Variants in COLGALT2 observed in about 807,000 individuals in gnomAD.
The protein encoded by COLGALT2 is collagen beta(1-O)galactosyltransferase 2.
A neutral mutation model predicts 73.4 loss-of-function variants in COLGALT2; 49 were observed. The ratio of observed to expected loss-of-function variants is 0.67; its 90% CI spans 0.53 to 0.85. The LOEUF (loss-of-function observed/expected upper bound fraction) is 0.85. COLGALT2 is among the 40% of genes least tolerant of loss of function. COLGALT2 has a pLI of 0.00. For synonymous variants in COLGALT2, 295 were observed against 307.6 expected (o/e 0.96, Z 0.43); for missense variants, 722 against 790.2 (o/e 0.91, Z 1.03).
chr1:183,964,925 T>C (rs888061532), intron 5 of COLGALT2, among the ~76,000 whole-genome samples: 1 of 152,204 alleles, frequency 6.6e-6, no homozygotes, highest in African/African-American at 2.4e-5. Flanking sequence ...ATTGCGATAA[T>C]TGTCAGTGTT....
intron 1 of COLGALT2, among the ~76,000 whole-genome samples, chr1:184,035,861 C>T (rs147707944): frequency 1.3e-5 from 2 of 152,330 alleles, no homozygotes; most frequent in East Asian, 3.9e-4. Flanking sequence ...GCCAGGCGGT[C>T]ACGTATGGCA....
chr1:183,963,494 C>T (rs759762390), intron 6 of COLGALT2, among the ~76,000 whole-genome samples: 2 of 152,092 alleles, frequency 1.3e-5, no homozygotes, highest in Non-Finnish European at 2.9e-5. Context: ...AGCCTTTTTA[C>T]ATATACCATA....
chr1:183,973,528 A>C, intron 4 of COLGALT2, 88 bp downstream of exon 4: 1 of 1,526,666 alleles, frequency 6.6e-7, no homozygotes, highest in Non-Finnish European at 9.0e-7. Context: ...CAAGGGAGTA[A>C]ACAAGAGAAA....
intron 1 of COLGALT2, among the ~76,000 whole-genome samples, chr1:184,016,115 C>T (rs183952012): frequency 8.5e-5 from 13 of 152,140 alleles, no homozygotes; most frequent in Admixed American, 8.5e-4. Flanking sequence ...GCACTATAAC[C>T]CTTAGTTATT....
intron 1 of COLGALT2, among the ~76,000 whole-genome samples, chr1:184,006,533 G>A (rs556794873): frequency 2.0e-5 from 3 of 151,988 alleles, no homozygotes; most frequent in South Asian, 2.1e-4. Context: ...ATGGTGAGCC[G>A]AGATCATGCC....
chr1:184,006,644 G>T (rs572835659), intron 1 of COLGALT2, among the ~76,000 whole-genome samples: 165 of 151,620 alleles, frequency 1.1e-3, no homozygotes, highest in African/African-American at 3.8e-3. Context: ...TGAGGGCAAA[G>T]GATACTAACA....
chr1:183,949,139 T>G (rs1390306971), intron 8 of COLGALT2, among the ~76,000 whole-genome samples: 1 of 152,182 alleles, frequency 6.6e-6, no homozygotes, highest in East Asian at 1.9e-4. Flanking sequence ...TTCATATTGT[T>G]AACACGGAAA....
chr1:183,967,992 T>C (rs1489882126), intron 5 of COLGALT2, among the ~76,000 whole-genome samples: 2 of 152,234 alleles, frequency 1.3e-5, no homozygotes, highest in Non-Finnish European at 2.9e-5. Context: ...ATTCTTATTC[T>C]CAGCAAATCT....
intron 1 of COLGALT2, among the ~76,000 whole-genome samples, chr1:183,982,082 T>C (rs1671367375): frequency 1.3e-5 from 2 of 152,196 alleles, no homozygotes; most frequent in South Asian, 4.1e-4. Flanking sequence ...AAGTGTCTTC[T>C]TGAAATTAGA....
rs2102785856 is a variant in COLGALT2 at position 183,938,880 on chromosome 1, C to G, written c.1762G>C (p.Asp588His). 1 of 1,614,156 alleles carries G rather than the reference C, an allele frequency of 6.2e-7. No individual in the cohort carries two copies. Among genetic ancestry groups the G allele is most frequent in the South Asian group, 1.1e-5 (1 of 91,072 alleles). The change falls in exon 12 of 12, where the codon GAT becomes CAT. Residue 588 changes from aspartate to histidine, a missense_variant. Asp to His is a moderately conservative substitution (Grantham distance 81). Coordinates refer to ENST00000361927, the MANE Select transcript of COLGALT2 (RefSeq NM_015101.4). ...WDNETVATDW[D>H]RTHAWKSRKQ... ...CGGGACTTCCAGGCATGTGTCCTAT[C>G]CCAGTCGGTGGCCACTGTCTCATTG...
At chr1:183,964,250 T>C in intron 5 of COLGALT2, 1 of 439,192 alleles carries the variant, frequency 2.3e-6, no homozygotes. Flanking sequence ...CAGAGGAAAT[T>C]GATTTTTTCC....
chr1:184,036,969 T>C (rs907954357), intron 1 of COLGALT2, 126 bp downstream of exon 1: 17 of 838,832 alleles, frequency 2.0e-5, no homozygotes, highest in Non-Finnish European at 2.7e-5. Context: ...TGCGCCAGAT[T>C]TTCCGCGTGC....
chr1:183,977,267 C>T (rs539696147), intron 2 of COLGALT2, among the ~76,000 whole-genome samples: 117 of 150,860 alleles, frequency 7.8e-4, no homozygotes, highest in African/African-American at 2.7e-3. Context: ...GTCAGGAGAT[C>T]GAGACCATCC....
chr1:183,950,839 C>G (rs1670376615), intron 8 of COLGALT2, among the ~76,000 whole-genome samples, 168 bp downstream of exon 8: 1 of 152,152 alleles, frequency 6.6e-6, no homozygotes, highest in Non-Finnish European at 1.5e-5. Flanking sequence ...CAGGCCTGCT[C>G]TACAGGATGA....
At chr1:184,013,901 T>C (rs1648905172) in intron 1 of COLGALT2, among the ~76,000 whole-genome samples, 1 of 152,106 alleles carries the variant, frequency 6.6e-6, no homozygotes, top group African/African-American at 2.4e-5. Flanking sequence ...TAACTTGATA[T>C]GGATGATGGG....
At position 183,978,531 on chromosome 1, in the gene COLGALT2, G is replaced by A. The variant is rs1312715144; in HGVS notation, c.264-11C>T. Reference sequence around the variant, plus strand: ...TGATCAGTGGCTGCCCTGCATGAGAGAAAGCACAATATAGTTTAACTATGT... The same window carrying A: ...TGATCAGTGGCTGCCCTGCATGAGAAAAAGCACAATATAGTTTAACTATGT... On this transcript the variant is annotated splice_polypyrimidine_tract_variant and intron_variant, in intron 1 of 11. Coordinates refer to ENST00000361927, the MANE Select transcript of COLGALT2 (RefSeq NM_015101.4). 2 of 1,481,276 alleles carry A rather than the reference G, an allele frequency of 1.4e-6. No homozygotes were observed. Among genetic ancestry groups the A allele is most frequent in the South Asian group, 2.3e-5 (2 of 87,770 alleles). The allele number at this position is 1,481,276 out of a possible 1,614,324, so 91.8% of individuals were successfully genotyped here.
chr1:184,000,393 A>T (rs1671886673), intron 1 of COLGALT2, among the ~76,000 whole-genome samples: 1 of 152,112 alleles, frequency 6.6e-6, no homozygotes, highest in Non-Finnish European at 1.5e-5. Flanking sequence ...TCATAAAAAT[A>T]AGATGTGTAT....
intron 1 of COLGALT2, among the ~76,000 whole-genome samples, chr1:183,995,156 T>A (rs912198712): frequency 6.6e-6 from 1 of 152,134 alleles, no homozygotes; most frequent in South Asian, 2.1e-4. Context: ...TCTGAATACA[T>A]AAAATTTCCA....
chr1:183,965,668 G>T (rs967633353), intron 5 of COLGALT2, among the ~76,000 whole-genome samples: 2 of 152,180 alleles, frequency 1.3e-5, no homozygotes, highest in Non-Finnish European at 2.9e-5. Context: ...ATGCAAAAAA[G>T]GACATCTGAC....
Sources: gnomAD v4.1 joint callset for allele counts (sites outside exome capture counted in the v4.1 genomes callset) on GRCh38, gnomAD v4.1.1 for gene constraint, MANE v1.5 for transcripts, NCBI Gene and HGNC (gene_info 2026-07-23, HGNC 2026-07-21) for gene names.